The following PDHA1 variants were observed in gnomAD, a reference collection of about 807,000 sequenced individuals.
PDHA1 encodes the protein pyruvate dehydrogenase E1 subunit alpha 1.
In PDHA1, 1 loss-of-function variant was observed where a neutral mutation model predicts 33.0. That is an observed-to-expected ratio of 0.03 (90% CI 0.01 to 0.14). PDHA1 has a LOEUF of 0.14. PDHA1 is among the 10% of genes least tolerant of loss of function. The probability of loss-of-function intolerance (pLI) is 1.00; values close to 1 mark genes in which losing one functional copy is unlikely to be tolerated. For missense variants in PDHA1, 168 were observed against 325.1 expected (o/e 0.52, Z 3.72); for synonymous variants, 123 against 119.2 (o/e 1.03, Z -0.21).
At chrX:19,358,895 A>T in intron 9 of PDHA1, 21 bp from the exon 10 acceptor site, 1 of 933,713 alleles carries the variant, frequency 1.1e-6, no homozygotes, top group Non-Finnish European at 1.6e-6. Flanking sequence ...CTGATCGATT[A>T]CTACTTTTCC....
At position 19,344,011 on chromosome X, in the gene PDHA1, C is replaced by T; in HGVS notation, c.-27C>T. ...TCGTGCCTCCTGGGTTGTGAGGAGT[C>T]GCCGCTGCCGCCACTGCCTGTGCTT... On this transcript the variant is annotated 5_prime_UTR_variant, in exon 1 of 11. Transcript: ENST00000422285. The T allele has an allele frequency of 1.7e-6, 2 of 1,201,956 alleles. No individual in the cohort carries two copies. Among genetic ancestry groups the T allele is most frequent in the Non-Finnish European group, 2.2e-6 (2 of 889,383 alleles).
chrX:19,355,943 A>G (rs1184001014), intron 8 of PDHA1, among the ~76,000 whole-genome samples, 186 bp downstream of exon 8: 1 of 111,913 alleles, frequency 8.9e-6, no homozygotes, highest in African/African-American at 3.3e-5. Context: ...TGGGAAGCCT[A>G]CGTTTCTCTC....
intron 8 of PDHA1, 23 bp downstream of exon 8, chrX:19,355,780 G>A: frequency 8.9e-7 from 1 of 1,118,246 alleles, no homozygotes. Flanking sequence ...AGCCCTCTGG[G>A]CTAGTGACAT....
At position 19,359,748 on chromosome X, in the gene PDHA1, T is replaced by C. The variant is rs748689790; in HGVS notation, c.*95T>C. 51 of 847,111 alleles carry C rather than the reference T, an allele frequency of 6.0e-5. No homozygotes were observed. Among genetic ancestry groups the C allele is most frequent in the Non-Finnish European group, 7.6e-5 (44 of 575,535 alleles). 69.8% of individuals were successfully genotyped at this position (847,111 alleles called of 1,213,427 possible). A position where few individuals can be genotyped will look rare whatever the true frequency, so the allele number is the denominator to read the frequency against. On this transcript the variant is annotated 3_prime_UTR_variant, in exon 11 of 11. Coordinates refer to ENST00000422285, the MANE Select transcript of PDHA1 (RefSeq NM_000284.4). ...AGAAAACCCAGTCAATGAAATTCAA[T>C]GAAATTCTTGGAAACTTCCATTAAG...
At chrX:19,353,251 C>A in intron 5 of PDHA1, 78 bp downstream of exon 5, 2 of 785,099 alleles carry the variant, frequency 2.5e-6, no homozygotes, top group Non-Finnish European at 3.9e-6. Flanking sequence ...CAGCCCCAGA[C>A]AACTTTTCCT....
intron 1 of PDHA1, among the ~76,000 whole-genome samples, chrX:19,345,438 C>T (rs1297335216): frequency 1.8e-5 from 2 of 108,675 alleles, no homozygotes; most frequent in Non-Finnish European, 3.8e-5. Context: ...GTCGTGGTGG[C>T]GGGCTCCTGT....
In PDHA1 at chrX:19,361,312, T is replaced by C; in HGVS notation, c.*1659T>C. On this transcript the variant is annotated 3_prime_UTR_variant, in exon 11 of 11. Coordinates refer to ENST00000422285, the MANE Select transcript of PDHA1 (RefSeq NM_000284.4). ...TTCACACATAAAAAGTTGTATTCTC[T>C]TATACAAACTGTTTTGAGGCTCTTA... 1 of 1,140,419 alleles carries C rather than the reference T, an allele frequency of 8.8e-7. No homozygotes were observed. The highest frequency in any genetic ancestry group is 1.2e-6 in the Non-Finnish European group (1 of 836,224). The allele number at this position is 1,140,419 out of a possible 1,213,427, so 94.0% of individuals were successfully genotyped here.
chrX:19,352,687 A>C (rs5955755), intron 4 of PDHA1: 30,799 of 198,264 alleles, frequency 0.16, 5,798 homozygotes, highest in African/African-American at 0.66. Context: ...TATTTTCAAT[A>C]CATGTGTGGC....
rs2063162439 is a variant in PDHA1, at chrX:19,351,422, T to A, written c.418+15T>A. On this transcript the variant is annotated intron_variant, in intron 4 of 10. Transcript: ENST00000422285. ...AGAGCTTACAGGTTTGCTGTTGATT[T>A]ACAGAAAGGGGAAATGAGTGGATTA... 3.4e-6 allele frequency: 4 copies of A among 1,187,412 alleles called. No individual in the cohort carries two copies. The East Asian group carries it at 1.2e-4, about 35-fold the overall frequency.
Position 19,361,212 on chromosome X carries a change from T to C in PDHA1, c.*1559T>C. 1.8e-6 allele frequency: 1 copy of C among 558,759 alleles called. No homozygotes were observed. The highest frequency in any genetic ancestry group is 3.3e-5 in the South Asian group (1 of 30,272). The allele number at this position is 558,759 out of a possible 1,213,427, so 46.0% of individuals were successfully genotyped here. Reference sequence around the variant, plus strand: ...TCAGTTTCTGCCCCACCTTGGCTTTTTCCCAGCTTGAACCTAATAGAACTC... The same window carrying C: ...TCAGTTTCTGCCCCACCTTGGCTTTCTCCCAGCTTGAACCTAATAGAACTC... On this transcript the variant is annotated 3_prime_UTR_variant, in exon 11 of 11. Transcript: ENST00000422285.
At chrX:19,353,615 T>C (rs777671377) in intron 5 of PDHA1, among the ~76,000 whole-genome samples, 1 of 111,748 alleles carries the variant, frequency 8.9e-6, no homozygotes, top group Non-Finnish European at 1.9e-5. Context: ...GACGCGTGAC[T>C]ATTTTGGGGG....
In PDHA1 at chrX:19,354,479, C is replaced by T. The variant is rs747591823; in HGVS notation, c.511-12C>T. 4.5e-6 allele frequency: 5 copies of T among 1,101,287 alleles called. No homozygotes were observed. In the Middle Eastern group the frequency reaches 9.7e-4, roughly 214 times the overall value. 90.8% of individuals were successfully genotyped at this position (1,101,287 alleles called of 1,213,427 possible). On this transcript the variant is annotated splice_polypyrimidine_tract_variant and intron_variant, in intron 5 of 10. Coordinates refer to ENST00000422285, the MANE Select transcript of PDHA1 (RefSeq NM_000284.4). ...TTTCTGTGGTTCCTTTCTCGGTTGT[C>T]CTTAATGTTAGGTGCCCCTGGGCGC...
intron 1 of PDHA1, among the ~76,000 whole-genome samples, chrX:19,345,359 T>A (rs1238520002): frequency 3.7e-5 from 4 of 108,838 alleles, no homozygotes; most frequent in Non-Finnish European, 5.7e-5. Flanking sequence ...TCACCTGAGG[T>A]CAGAAGTTCG....
In PDHA1 at chrX:19,360,768, T is replaced by TCTGAGGCCTC; in HGVS notation, c.*1121_*1130dup. ...TTGGTATCAAGCCTTGTCTTTGGTTTCTGAGGCCTCCTGAGCCCTTCTGTA... is the reference window on the plus strand; with the variant it reads ...TTGGTATCAAGCCTTGTCTTTGGTTTCTGAGGCCTCCTGAGGCCTCCTGAGCCCTTCTGTA... On this transcript the variant is annotated 3_prime_UTR_variant, in exon 11 of 11. Transcript: ENST00000422285. 8.3e-7 allele frequency: 1 copy of TCTGAGGCCTC among 1,209,384 alleles called. No individual in the cohort carries two copies. The highest frequency in any genetic ancestry group is 1.1e-6 in the Non-Finnish European group (1 of 894,115).
chrX:19,358,878 GCT>G, intron 9 of PDHA1, 36 bp from the exon 10 acceptor site: 2 of 793,673 alleles, frequency 2.5e-6, no homozygotes, highest in Non-Finnish European at 3.9e-6. Context: ...TACTGGAACT[GCT>G]CTTACTGATC....
chrX:19,358,779 T>C (rs754712014), intron 9 of PDHA1, 137 bp from the exon 10 acceptor site: 1 of 504,178 alleles, frequency 2.0e-6, no homozygotes, highest in East Asian at 3.7e-5. Context: ...AGCATTGGTA[T>C]GCCCCTTTGT....
At position 19,360,819 on chromosome X, in the gene PDHA1, CA is replaced by C. The variant is rs761048720; in HGVS notation, c.*1167del. On this transcript the variant is annotated 3_prime_UTR_variant, in exon 11 of 11. Coordinates refer to ENST00000422285, the MANE Select transcript of PDHA1 (RefSeq NM_000284.4). ...CTGGGAGACCGCACTCCAGAGTCTG[CA>C]GAGGAGACCACCCCTGGGAAACAAA... 4.2e-6 allele frequency: 5 copies of C among 1,201,721 alleles called. No individual in the cohort carries two copies. In the African/African-American group the frequency reaches 8.8e-5, roughly 21 times the overall value.
rs769643820 is a variant in PDHA1, at chrX:19,360,667, G to A, written c.*1014G>A. On this transcript the variant is annotated 3_prime_UTR_variant, in exon 11 of 11. Coordinates refer to ENST00000422285, the MANE Select transcript of PDHA1 (RefSeq NM_000284.4). ...GCATTTTTAAATATGTAAACACAGCGGAATTCGTGTATACACTAACAGAAG... is the reference window on the plus strand; with the variant it reads ...GCATTTTTAAATATGTAAACACAGCAGAATTCGTGTATACACTAACAGAAG... The A allele has an allele frequency of 2.7e-4, 190 of 716,932 alleles. No homozygotes were observed. The South Asian group carries it at 3.8e-3, about 14-fold the overall frequency. 59.1% of individuals were successfully genotyped at this position (716,932 alleles called of 1,213,427 possible).
chrX:19,357,330 A>T, intron 8 of PDHA1: 1 of 293,711 alleles, frequency 3.4e-6, no homozygotes, highest in Non-Finnish European at 6.2e-6. Flanking sequence ...TCCTGGGCGC[A>T]AGTGCTCTGC....
Sources: allele counts gnomAD v4.1 joint callset (sites outside exome capture counted in the v4.1 genomes callset), GRCh38; gene constraint gnomAD v4.1.1; transcripts MANE v1.5; gene names NCBI Gene and HGNC (gene_info 2026-07-23, HGNC 2026-07-21).